Variants in HIVEP3 observed in about 807,000 individuals in gnomAD.
HIVEP3 encodes HIVEP zinc finger 3.
A neutral mutation model predicts 152.8 loss-of-function variants in HIVEP3; 49 were observed. The ratio of observed to expected loss-of-function variants is 0.32; its 90% confidence interval spans 0.26 to 0.41. The LOEUF (loss-of-function observed/expected upper bound fraction) is 0.41, where lower values mean the gene tolerates loss of function less well. Among genes scored for constraint, HIVEP3 ranks in the 10% least tolerant of loss-of-function variants. The probability of loss-of-function intolerance (pLI) is 1.00; values close to 1 mark genes in which losing one functional copy is unlikely to be tolerated. For missense variants in HIVEP3, 2,790 were observed against 3,103.3 expected, an observed-to-expected ratio of 0.90 and a Z score of 2.40; for synonymous variants, 1,269 against 1,289.0, an observed-to-expected ratio of 0.98 and a Z score of 0.33.
At chr1:41,655,309 G>A (rs944747665) in intron 2 of HIVEP3, among the ~76,000 whole-genome samples, 4 of 152,146 alleles carry the variant, frequency 2.6e-5, no homozygotes, top group Non-Finnish European at 4.4e-5. Context: ...GAGGCCGCGC[G>A]CGGTGGCTCA....
intron 5 of HIVEP3, among the ~76,000 whole-genome samples, chr1:41,529,055 CCACCCT>C (rs1207027935): frequency 4.1e-5 from 6 of 144,602 alleles, no homozygotes; most frequent in Admixed American, 2.0e-4. Flanking sequence ...GCTCACACCC[CCACCCT>C]CACCCTCACA....
intron 2 of HIVEP3, among the ~76,000 whole-genome samples, chr1:41,689,955 G>A (rs562329230): frequency 2.6e-5 from 4 of 152,340 alleles, no homozygotes; most frequent in East Asian, 1.9e-4. Context: ...AGCCTTCCAC[G>A]GTCCTCCGGG....
intron 1 of HIVEP3, among the ~76,000 whole-genome samples, chr1:41,709,145 T>C (rs1484327741): frequency 1.3e-5 from 2 of 152,194 alleles, no homozygotes; most frequent in Non-Finnish European, 2.9e-5. Flanking sequence ...ACTGCAGCTA[T>C]GGAGGTGAGG....
intron 1 of HIVEP3, among the ~76,000 whole-genome samples, chr1:41,817,976 G>C (rs1447512262): frequency 1.3e-5 from 2 of 152,168 alleles, no homozygotes; most frequent in Non-Finnish European, 2.9e-5. Context: ...CTCTTGAGCT[G>C]AGTGACTAGG....
chr1:41,870,049 A>C (rs1246966819), intron 1 of HIVEP3, among the ~76,000 whole-genome samples: 1 of 152,212 alleles, frequency 6.6e-6, no homozygotes, highest in Non-Finnish European at 1.5e-5. Context: ...AGTGCGTCTG[A>C]CTAAAAGAGG....
Position 41,584,055 on chromosome 1 carries a change from G to A in HIVEP3, c.743C>T (p.Ala248Val), listed in dbSNP as rs1375130431. The A allele has an allele frequency of 1.2e-6, 2 of 1,614,188 alleles. No homozygotes were observed. The highest frequency in any genetic ancestry group is 1.7e-6 in the Non-Finnish European group (2 of 1,180,032). Reference protein sequence around the residue: ...HRKSHAHRIKAGLASGMGGEM... With the variant: ...HRKSHAHRIKVGLASGMGGEM... Reference sequence around the variant, plus strand: ...GCCACCCATGCCTGAGGCCAGGCCTGCTTTGATGCGGTGGGCATGGGACTT... The same window carrying A: ...GCCACCCATGCCTGAGGCCAGGCCTACTTTGATGCGGTGGGCATGGGACTT... The change falls in exon 4 of 9, where the codon GCA (alanine) becomes GTA (valine). Residue 248 changes from alanine to valine, a missense_variant. Coordinates refer to ENST00000372583, the MANE Select transcript of HIVEP3 (RefSeq NM_024503.5). The surrounding 1 kb of genome is among the most constrained non-coding windows in gnomAD (Gnocchi z 5.2).
upstream of HIVEP3, among the ~76,000 whole-genome samples, chr1:41,923,765 T>C (rs1644953075): frequency 6.6e-6 from 1 of 152,220 alleles, no homozygotes. Context: ...TACCCATAAA[T>C]ATATACAAGT....
At chr1:41,599,760 C>T (rs1185583952) in intron 3 of HIVEP3, among the ~76,000 whole-genome samples, 1 of 151,960 alleles carries the variant, frequency 6.6e-6, no homozygotes, top group African/African-American at 2.4e-5. Flanking sequence ...ATCTTCTATG[C>T]GTGAAAGGAC....
At chr1:42,032,039 C>G (rs904477839) in intron 1 of HIVEP3, among the ~76,000 whole-genome samples, 1 of 152,194 alleles carries the variant, frequency 6.6e-6, no homozygotes, top group Admixed American at 6.5e-5. Flanking sequence ...TCAGTACTCC[C>G]CATGACATGC....
chr1:41,862,764 G>C (rs1643903588), intron 1 of HIVEP3, among the ~76,000 whole-genome samples: 1 of 152,180 alleles, frequency 6.6e-6, no homozygotes, highest in African/African-American at 2.4e-5. Context: ...AGAGACTTAG[G>C]TTTTAGGAGT....
chr1:41,770,676 A>T (rs917413509), intron 1 of HIVEP3, among the ~76,000 whole-genome samples: 2 of 152,202 alleles, frequency 1.3e-5, no homozygotes, highest in African/African-American at 4.8e-5. Context: ...AGGAATGAAC[A>T]TTCTATAGTA....
chr1:41,919,596 C>T (rs1644923310), upstream of HIVEP3, among the ~76,000 whole-genome samples: 1 of 152,214 alleles, frequency 6.6e-6, no homozygotes, highest in Non-Finnish European at 1.5e-5. Context: ...ACGATTCAGA[C>T]TTAGGCCCTT....
chr1:41,632,708 A>G lies in HIVEP3; in HGVS notation c.-720-3761T>C, dbSNP rs534119076. 3.9e-3 allele frequency among the ~76,000 whole-genome samples: 596 copies of G among 152,176 alleles called. 3 individuals are homozygous for G. Among genetic ancestry groups the G allele is most frequent in the African/African-American group, 0.012 (501 of 41,520 alleles). ...GAGACAGAGGTTGCAGTGAGCCAAG[A>G]TTGTGCCACTGCACTCCAGCCTGGG... On this transcript the variant is annotated intron_variant, in intron 2 of 8. Coordinates refer to ENST00000372583, the MANE Select transcript of HIVEP3 (RefSeq NM_024503.5).
intron 1 of HIVEP3, among the ~76,000 whole-genome samples, chr1:41,929,331 G>T (rs1011847685): frequency 6.6e-6 from 1 of 151,420 alleles, no homozygotes; most frequent in Admixed American, 6.6e-5. Context: ...TTATTTTTTT[G>T]ACCTAAATTG....
intron 1 of HIVEP3, among the ~76,000 whole-genome samples, chr1:41,915,420 T>C (rs575321777): frequency 6.6e-6 from 1 of 152,312 alleles, no homozygotes; most frequent in East Asian, 1.9e-4. Context: ...TGATACTTGA[T>C]AAAAGAGCTT....
rs931791609 is a variant in HIVEP3 at position 41,582,573 on chromosome 1, G to A, written c.2225C>T (p.Pro742Leu). 19 of 1,611,916 alleles carry A rather than the reference G, an allele frequency of 1.2e-5. No individual in the cohort carries two copies. The highest frequency in any genetic ancestry group is 1.6e-5 in the Non-Finnish European group (19 of 1,178,762). The part of the protein sequence containing the change: ...STKSQFGSPG[P>L]SDAARNLPLE... The stretch of plus-strand genomic sequence containing the variant: ...GGGAAGGTTCCGAGCAGCATCAGAT[G>A]GCCCGGGGCTGCCAAACTGACTTTT... The change falls in exon 4 of 9, where the codon CCA becomes CTA. Residue 742 changes from proline to leucine, a missense_variant. Pro to Leu is a moderately conservative substitution (Grantham distance 98, BLOSUM62 -3). Transcript: ENST00000372583. This position sits in a 1 kb window ranked among gnomAD's most constrained non-coding sequence, Gnocchi z 4.7.
intron 1 of HIVEP3, among the ~76,000 whole-genome samples, chr1:41,819,901 A>T (rs1394608318): frequency 6.6e-6 from 1 of 152,234 alleles, no homozygotes; most frequent in Admixed American, 6.5e-5. Flanking sequence ...CAAATGTGCT[A>T]TAGTCAAGAC....
At position 41,580,803 on chromosome 1, in the gene HIVEP3, C is replaced by T. The variant is rs147509929; in HGVS notation, c.3995G>A (p.Ser1332Asn). The T allele has an allele frequency of 2.5e-6, 4 of 1,577,142 alleles. No individual in the cohort carries two copies. Among genetic ancestry groups the T allele is most frequent in the Admixed American group, 3.5e-5 (2 of 56,682 alleles). Reference protein sequence around the residue: ...RVQTNMPSYGSAMYTTLSQIL... With the variant: ...RVQTNMPSYGNAMYTTLSQIL... ...CTGGGAAAGGGTGGTGTACATTGCG[C>T]TCCCATAGGACGGCATATTGGTCTG... Residue 1332 changes from serine (S) to asparagine (N), a missense_variant, in exon 4 of 9, where the codon AGC (serine) becomes AAC (asparagine). Ser to Asn is a conservative substitution (Grantham distance 46). Around this residue, in one of 9 missense-constraint regions of HIVEP3, gnomAD observed 1,078 missense variants for 1,165.3 expected, o/e 0.93. Coordinates refer to ENST00000372583, the MANE Select transcript of HIVEP3 (RefSeq NM_024503.5).
chr1:41,988,606 A>G (rs1267250505), intron 1 of HIVEP3, among the ~76,000 whole-genome samples: 2 of 152,214 alleles, frequency 1.3e-5, no homozygotes, highest in Admixed American at 1.3e-4. Context: ...GTCTTTCTAC[A>G]CTACTGATGG....
Sources: allele counts gnomAD v4.1 joint callset (sites outside exome capture counted in the v4.1 genomes callset), GRCh38; gene constraint gnomAD v4.1.1; regional missense constraint gnomAD v4.1.1; non-coding constraint Gnocchi (gnomAD v3.1); transcripts MANE v1.5; gene names NCBI Gene and HGNC (gene_info 2026-07-23, HGNC 2026-07-21).